NALCN: variants seen among roughly 807,000 people sequenced by gnomAD.
The protein encoded by NALCN is sodium leak channel NALCN.
NALCN carries 111 observed loss-of-function variants against 225.3 expected under a neutral mutation model. That is an observed-to-expected ratio of 0.49 (90% confidence interval 0.42 to 0.58). The LOEUF is 0.58. NALCN is among the 20% of genes least tolerant of loss of function. NALCN has a pLI of 0.00. For synonymous variants in NALCN, 764 were observed against 769.0 expected (o/e 0.99, Z 0.11); for missense variants, 1,378 against 2,202.4 (o/e 0.63, Z 7.49).
intron 10 of NALCN, among the ~76,000 whole-genome samples, chr13:101,266,444 A>T (rs1284052912): frequency 6.6e-6 from 1 of 152,246 alleles, no homozygotes; most frequent in Non-Finnish European, 1.5e-5. Context: ...CCTATGAAAC[A>T]GTAACTTAAA....
intron 10 of NALCN, among the ~76,000 whole-genome samples, chr13:101,271,732 CTG>C (rs1302312449): frequency 2.0e-5 from 3 of 150,512 alleles, no homozygotes; most frequent in Non-Finnish European, 4.4e-5. Flanking sequence ...CTGTGTGTCA[CTG>C]TGTCACTGAG....
chr13:101,166,464 C>G (rs904185757), intron 15 of NALCN, among the ~76,000 whole-genome samples: 8 of 151,578 alleles, frequency 5.3e-5, no homozygotes, highest in African/African-American at 1.9e-4. Flanking sequence ...ATTGTGGTTT[C>G]TATTTGCATT....
At chr13:101,083,641 A>T (rs1489234203) in intron 31 of NALCN, 70 bp downstream of exon 31, 1 of 1,468,278 alleles carries the variant, frequency 6.8e-7, no homozygotes, top group Non-Finnish European at 9.4e-7. Flanking sequence ...ATTTTAATTT[A>T]AATCTGAGAC....
chr13:101,294,008 G>A (rs1294693989), intron 7 of NALCN, among the ~76,000 whole-genome samples: 1 of 152,140 alleles, frequency 6.6e-6, no homozygotes, highest in Non-Finnish European at 1.5e-5. Flanking sequence ...TAGGCAAATG[G>A]CGAAGTGGGG....
At chr13:101,339,485 T>A (rs1266783147) in intron 7 of NALCN, among the ~76,000 whole-genome samples, 1 of 152,030 alleles carries the variant, frequency 6.6e-6, no homozygotes, top group East Asian at 1.9e-4. Context: ...GGTGCATAAA[T>A]GGAAGAAAGA....
chr13:101,228,556 G>A (rs2041234427), intron 13 of NALCN, among the ~76,000 whole-genome samples: 1 of 152,046 alleles, frequency 6.6e-6, no homozygotes, highest in Admixed American at 6.6e-5. Flanking sequence ...CTTTAGCTTG[G>A]CTCTCATTCT....
chr13:101,395,958 C>T (rs182005618), intron 2 of NALCN, among the ~76,000 whole-genome samples: 1 of 151,994 alleles, frequency 6.6e-6, no homozygotes, highest in African/African-American at 2.4e-5. Context: ...ATATATAATG[C>T]CTTTGTATAA....
At chr13:101,100,495 T>A (rs1414762905) in intron 27 of NALCN, among the ~76,000 whole-genome samples, 1 of 152,184 alleles carries the variant, frequency 6.6e-6, no homozygotes, top group Non-Finnish European at 1.5e-5. Context: ...AAGAGAATTC[T>A]TAGGGTTTTA....
At chr13:101,305,484 C>T (rs79464212) in intron 7 of NALCN, among the ~76,000 whole-genome samples, 355 of 152,254 alleles carry the variant, frequency 2.3e-3, no homozygotes, top group African/African-American at 8.2e-3. Context: ...TTCATTTGGC[C>T]TATTTAATTT....
chr13:101,370,880 T>C (rs1033614140), intron 6 of NALCN, among the ~76,000 whole-genome samples: 4 of 152,192 alleles, frequency 2.6e-5, no homozygotes, highest in African/African-American at 9.7e-5. Context: ...CAAAGGTTTC[T>C]TGAGGCCCCT....
At chr13:101,405,332 C>G (rs373553608) in intron 1 of NALCN, among the ~76,000 whole-genome samples, 1 of 152,180 alleles carries the variant, frequency 6.6e-6, no homozygotes, top group African/African-American at 2.4e-5. Flanking sequence ...ACATTTTATG[C>G]TATGGTTTCA....
At chr13:101,329,055 T>A (rs2045065397) in intron 7 of NALCN, among the ~76,000 whole-genome samples, 2 of 152,196 alleles carry the variant, frequency 1.3e-5, no homozygotes, top group Non-Finnish European at 2.9e-5. Flanking sequence ...GAGGACTAGG[T>A]GACTTTCCTT....
intron 1 of NALCN, among the ~76,000 whole-genome samples, chr13:101,412,679 T>C (rs1254336257): frequency 2.0e-5 from 3 of 152,222 alleles, no homozygotes; most frequent in Non-Finnish European, 4.4e-5. Flanking sequence ...AACTGAACTT[T>C]AGCTTTTCCT....
intron 1 of NALCN, among the ~76,000 whole-genome samples, chr13:101,404,835 C>T (rs1310687082): frequency 1.3e-5 from 2 of 152,202 alleles, no homozygotes; most frequent in East Asian, 3.9e-4. Flanking sequence ...TGTGCCCCTT[C>T]CTTGTCTTTC....
At chr13:101,189,110 A>T (rs1448594913) in intron 14 of NALCN, among the ~76,000 whole-genome samples, 1 of 152,180 alleles carries the variant, frequency 6.6e-6, no homozygotes, top group Admixed American at 6.5e-5. Flanking sequence ...CTTATCCTCT[A>T]TGTGTATAGT....
At chr13:101,402,460 A>C (rs1186599499) in intron 1 of NALCN, among the ~76,000 whole-genome samples, 1 of 152,150 alleles carries the variant, frequency 6.6e-6, no homozygotes, top group Non-Finnish European at 1.5e-5. Flanking sequence ...TCCCTACTTC[A>C]TTCCAGCCCC....
intron 28 of NALCN, among the ~76,000 whole-genome samples, chr13:101,094,109 G>T (rs1452561444): frequency 1.3e-5 from 2 of 152,158 alleles, no homozygotes; most frequent in Non-Finnish European, 2.9e-5. Flanking sequence ...CTCAAGTCTG[G>T]CTCCTGGAAA....
At chr13:101,057,529 C>T (rs1469092920) in intron 43 of NALCN, 1 of 232,288 alleles carries the variant, frequency 4.3e-6, no homozygotes, top group Non-Finnish European at 8.5e-6. Context: ...TGAGAGAAAT[C>T]GGGGGCCTGT....
chr13:101,350,087 G>A (rs1412160628), intron 6 of NALCN, among the ~76,000 whole-genome samples: 1 of 151,812 alleles, frequency 6.6e-6, no homozygotes, highest in Admixed American at 6.6e-5. Context: ...CTCTTATCTG[G>A]CCTCCTCACT....
Sources: gnomAD v4.1 joint callset for allele counts (sites outside exome capture counted in the v4.1 genomes callset) on GRCh38, gnomAD v4.1.1 for gene constraint, MANE v1.5 for transcripts, NCBI Gene and HGNC (gene_info 2026-07-23, HGNC 2026-07-21) for gene names.